Variants in ESF1 observed in about 807,000 individuals in gnomAD.
ESF1 encodes ESF1 homolog.
A neutral mutation model predicts 92.0 loss-of-function variants in ESF1; 58 were observed. The observed-to-expected ratio is 0.63, with a 90% confidence interval of 0.51 to 0.78. The LOEUF (loss-of-function observed/expected upper bound fraction) is 0.78. Ranked by LOEUF, ESF1 falls within the 30% of genes least tolerant of loss-of-function variation. ESF1 has a pLI of 0.00. For missense variants in ESF1, 922 were observed against 989.1 expected, an observed-to-expected ratio of 0.93 and a Z score of 0.91; for synonymous variants, 321 against 313.7, an observed-to-expected ratio of 1.02 and a Z score of -0.24.
chr20:13,729,994 C>A (rs2049930483), intron 10 of ESF1, among the ~76,000 whole-genome samples: 1 of 152,184 alleles, frequency 6.6e-6, no homozygotes, highest in Non-Finnish European at 1.5e-5. Context: ...TATTGTTAAA[C>A]ATCCTGCATG....
At chr20:13,740,810 G>A (rs541130747) in intron 9 of ESF1, among the ~76,000 whole-genome samples, 1 of 152,156 alleles carries the variant, frequency 6.6e-6, no homozygotes, top group Admixed American at 6.5e-5. Flanking sequence ...TTCAAAAGTG[G>A]GCCCTGAGGT....
chr20:13,727,036 T>C (rs1247899824), intron 11 of ESF1, among the ~76,000 whole-genome samples: 2 of 152,226 alleles, frequency 1.3e-5, no homozygotes, highest in Non-Finnish European at 2.9e-5. Flanking sequence ...TCAATTTAAA[T>C]GTGTTGATTC....
chr20:13,746,513 T>C (rs1285609937), intron 9 of ESF1, among the ~76,000 whole-genome samples: 1 of 152,214 alleles, frequency 6.6e-6, no homozygotes. Context: ...ATGCTCTTTC[T>C]GTAATCACAA....
chr20:13,722,821 A>G (rs750346597), intron 11 of ESF1, among the ~76,000 whole-genome samples: 11 of 151,132 alleles, frequency 7.3e-5, no homozygotes, highest in Non-Finnish European at 1.6e-4. Context: ...ACCACTGTGC[A>G]CTCCACCCTG....
At chr20:13,782,474 C>T in intron 2 of ESF1, 30 bp downstream of exon 2, 2 of 1,472,376 alleles carry the variant, frequency 1.4e-6, no homozygotes, top group Non-Finnish European at 1.8e-6. Context: ...TAATGTAACA[C>T]CCAAGAATCT....
intron 11 of ESF1, among the ~76,000 whole-genome samples, chr20:13,727,269 T>A (rs570546610): frequency 4.7e-4 from 72 of 152,298 alleles, no homozygotes; most frequent in South Asian, 3.5e-3. Context: ...TCAGGTATGA[T>A]AAAAAGCAGA....
chr20:13,771,631 C>T (rs966622749), intron 5 of ESF1, 148 bp from the exon 6 acceptor site: 22 of 624,512 alleles, frequency 3.5e-5, no homozygotes, highest in African/African-American at 3.5e-4. Context: ...CCTTTATAAA[C>T]ATTAAATACT....
intron 11 of ESF1, among the ~76,000 whole-genome samples, chr20:13,722,332 G>A (rs1005998525): frequency 2.0e-5 from 3 of 152,138 alleles, no homozygotes; most frequent in Non-Finnish European, 2.9e-5. Flanking sequence ...TTACTATGAT[G>A]TTAGACTGAA....
At chr20:13,772,641 G>GT in intron 4 of ESF1, 26 bp from the exon 5 acceptor site, 1 of 1,506,126 alleles carries the variant, frequency 6.6e-7, no homozygotes, top group Non-Finnish European at 9.2e-7. Context: ...TAGGATCAAT[G>GT]TAATTTGTAC....
chr20:13,741,841 T>G (rs1302504248), intron 9 of ESF1, among the ~76,000 whole-genome samples: 2 of 152,112 alleles, frequency 1.3e-5, no homozygotes, highest in Non-Finnish European at 2.9e-5. Flanking sequence ...GAATTACAAA[T>G]TAGAAGATAT....
chr20:13,730,366 G>A (rs769970250), intron 10 of ESF1, among the ~76,000 whole-genome samples: 18 of 147,398 alleles, frequency 1.2e-4, no homozygotes, highest in Non-Finnish European at 1.8e-4. Context: ...GAACCAACAC[G>A]CCTGGCCAAG....
At chr20:13,736,272 T>C (rs142292248) in intron 9 of ESF1, among the ~76,000 whole-genome samples, 22 of 152,254 alleles carry the variant, frequency 1.4e-4, no homozygotes, top group African/African-American at 5.3e-4. Context: ...CCAGGTGTAA[T>C]AATAAAAAAT....
In ESF1 at chr20:13,728,385, T is replaced by C. The variant is rs1243436455; in HGVS notation, c.2031A>G (p.Lys677=). ...LNDPYFAEEV[K]QIGINKKSVK... ...AGATATGAGCTGGCTTACCTATTTG[T>C]TTAACTTCTTCAGCAAAGTATGGGT... is the stretch of plus-strand genomic sequence containing the variant. Residue 677 remains lysine, a synonymous_variant, in exon 11 of 14, where the codon AAA becomes AAG. Coordinates refer to ENST00000617257, the MANE Select transcript of ESF1 (RefSeq NM_001276380.2). 1 of 1,611,382 alleles carries C rather than the reference T, an allele frequency of 6.2e-7. No homozygotes were observed. Among genetic ancestry groups the C allele is most frequent in the African/African-American group, 1.3e-5 (1 of 74,834 alleles).
Position 13,775,166 on chromosome 20 carries a change from A to C in ESF1, c.1140T>G (p.Phe380Leu). Residue 380 changes from phenylalanine to leucine, a missense_variant, in exon 4 of 14, where the codon TTT becomes TTG. Coordinates refer to ENST00000617257, the MANE Select transcript of ESF1 (RefSeq NM_001276380.2). ...TGAAATCAATTCTCACCTTGACGGA[A>C]AATATTACACCTCCTTTGGGTTTAA... Reference protein sequence around the residue: ...NSFKPKGGVIFSVKIYPSEFG... With the variant: ...NSFKPKGGVILSVKIYPSEFG... 6.3e-7 allele frequency: 1 copy of C among 1,591,350 alleles called. No homozygotes were observed. Among genetic ancestry groups the C allele is most frequent in the Non-Finnish European group, 8.5e-7 (1 of 1,170,574 alleles).
chr20:13,780,442 G>A (rs537808300), intron 2 of ESF1, among the ~76,000 whole-genome samples: 1 of 152,214 alleles, frequency 6.6e-6, no homozygotes, highest in East Asian at 1.9e-4. Context: ...TTTAGTAACC[G>A]GATTCCTATC....
At chr20:13,732,901 C>CTCTT (rs1325369010) in intron 10 of ESF1, among the ~76,000 whole-genome samples, 1 of 124,344 alleles carries the variant, frequency 8.0e-6, no homozygotes. Context: ...AGAGGAAATA[C>CTCTT]TCTTATTTAT....
In ESF1 at chr20:13,764,372, C is replaced by A. The variant is rs968342450; in HGVS notation, c.1666+2405G>T. Among the ~76,000 whole-genome samples, 6 of 152,068 alleles carry A rather than the reference C, an allele frequency of 3.9e-5. No homozygotes were observed. In the South Asian group the frequency reaches 1.2e-3, roughly 32 times the overall value. ...AACCAGTTTCCAAACAGAGACAGATCAAATACAGGGAAAAAGGGTTTTGGG... is the reference window on the plus strand; with the variant it reads ...AACCAGTTTCCAAACAGAGACAGATAAAATACAGGGAAAAAGGGTTTTGGG... On this transcript the variant is annotated intron_variant, in intron 8 of 13. Coordinates refer to ENST00000617257, the MANE Select transcript of ESF1 (RefSeq NM_001276380.2).
intron 9 of ESF1, among the ~76,000 whole-genome samples, chr20:13,739,327 A>G (rs1049285356): frequency 6.6e-6 from 1 of 152,200 alleles, no homozygotes; most frequent in Non-Finnish European, 1.5e-5. Context: ...ACTTACAATC[A>G]TATTTAGTTT....
chr20:13,728,304 G>T, intron 11 of ESF1, 74 bp downstream of exon 11: 1 of 1,141,784 alleles, frequency 8.8e-7, no homozygotes, highest in Non-Finnish European at 1.3e-6. Context: ...AGAATGATTA[G>T]TTTATATTGC....
Sources: allele counts gnomAD v4.1 joint callset (sites outside exome capture counted in the v4.1 genomes callset), GRCh38; gene constraint gnomAD v4.1.1; transcripts MANE v1.5; gene names NCBI Gene and HGNC (gene_info 2026-07-23, HGNC 2026-07-21).